CFAP20DC: variants seen among roughly 807,000 people sequenced by gnomAD.
CFAP20DC encodes the protein CFAP20 domain containing.
In CFAP20DC, 84 loss-of-function variants were observed where a neutral mutation model predicts 101.7. That is an observed-to-expected ratio of 0.83 (90% CI 0.69 to 0.99). The LOEUF is 0.99. Among genes scored for constraint, CFAP20DC ranks in the 50% least tolerant of loss-of-function variants. The pLI, the probability that CFAP20DC is intolerant of heterozygous loss-of-function variation, is 0.00. For synonymous variants in CFAP20DC, 359 were observed against 351.2 expected, an observed-to-expected ratio of 1.02 and a Z score of -0.25; for missense variants, 1,007 against 970.3, an observed-to-expected ratio of 1.04 and a Z score of -0.50.
At position 58,812,255 on chromosome 3, in the gene CFAP20DC, C is replaced by T. The variant is rs551665210; in HGVS notation, c.2176-5799G>A. On this transcript the variant is annotated intron_variant, in intron 14 of 16. Transcript: ENST00000482387. ...ATGCTGCTATAAAGACACATGCACA[C>T]GTATGTTTATTGCGGCTCTATTCAC... is the stretch of plus-strand genomic sequence containing the variant. Among the ~76,000 whole-genome samples, 59 of 152,188 alleles carry T rather than the reference C, an allele frequency of 3.9e-4. No individual in the cohort carries two copies. In the South Asian group the frequency reaches 5.6e-3, roughly 14 times the overall value.
Position 59,049,767 on chromosome 3 carries a change from A to G in CFAP20DC, c.-136T>C. 9.4e-7 allele frequency: 1 copy of G among 1,066,364 alleles called. No individual in the cohort carries two copies. Among genetic ancestry groups the G allele is most frequent in the Non-Finnish European group, 1.3e-6 (1 of 753,162 alleles). The allele number at this position is 1,066,364 out of a possible 1,614,324, so 66.1% of individuals were successfully genotyped here. A position where few individuals can be genotyped will look rare whatever the true frequency, so the allele number is the denominator to read the frequency against. ...GGAAAGGGCTTCGTGCTTGGCCCAG[A>G]CTTGGGCAGGCTCTTCTCAGCCCCT... is the stretch of plus-strand genomic sequence containing the variant. On this transcript the variant is annotated 5_prime_UTR_variant, in exon 1 of 17. Coordinates refer to ENST00000482387, the MANE Select transcript of CFAP20DC (RefSeq NM_001394063.1).
rs116429944 is a variant in CFAP20DC, at chr3:58,989,145, G to A, written c.278+50412C>T. Among the ~76,000 whole-genome samples, 775 of 152,018 alleles carry A rather than the reference G, an allele frequency of 5.1e-3. 4 individuals are homozygous for A. Among genetic ancestry groups the A allele is most frequent in the African/African-American group, 0.018 (749 of 41,500 alleles). ...AATCAAAATCCGAAATTTCCACTGT[G>A]CCTTTTTTTCTTTTAGAGATTTACT... On this transcript the variant is annotated intron_variant, in intron 4 of 16. Coordinates refer to ENST00000482387, the MANE Select transcript of CFAP20DC (RefSeq NM_001394063.1).
At chr3:58,836,114 C>A (rs555956076) in intron 13 of CFAP20DC, among the ~76,000 whole-genome samples, 1 of 152,222 alleles carries the variant, frequency 6.6e-6, no homozygotes, top group African/African-American at 2.4e-5. Flanking sequence ...TTTCACTGAT[C>A]TTTCTCCAGA....
Position 58,810,749 on chromosome 3 carries a change from A to C in CFAP20DC, c.2176-4293T>G, listed in dbSNP as rs1187333470. On this transcript the variant is annotated intron_variant, in intron 14 of 16. Coordinates refer to ENST00000482387, the MANE Select transcript of CFAP20DC (RefSeq NM_001394063.1). ...AAATAAAGGGTATTCAATTAGGAAA[A>C]GAGGAAGTCAAATTGTCCCTGTTTG... is the stretch of plus-strand genomic sequence containing the variant. Among the ~76,000 whole-genome samples the C allele has an allele frequency of 2.0e-5, 3 of 151,234 alleles. No homozygotes were observed. The East Asian group carries it at 5.9e-4, about 30-fold the overall frequency.
rs567324119 is a variant in CFAP20DC, at chr3:58,869,625, AG to A, written c.853-136del. The A allele has an allele frequency of 2.4e-4, 137 of 577,498 alleles. No homozygotes were observed. In the African/African-American group the frequency reaches 2.4e-3, roughly 10 times the overall value. The allele number at this position is 577,498 out of a possible 1,614,324, so 35.8% of individuals were successfully genotyped here. A position where few individuals can be genotyped will look rare whatever the true frequency, so the allele number is the denominator to read the frequency against. ...TAGAGGAAATGAGGTTAAGATGTGAAGAAAAAGGAAATTATTATAGGAAATT... is the reference window on the plus strand; with the variant it reads ...TAGAGGAAATGAGGTTAAGATGTGAAAAAAAGGAAATTATTATAGGAAATT... On this transcript the variant is annotated intron_variant, in intron 8 of 16. Transcript: ENST00000482387. This position sits in a 1 kb window ranked among gnomAD's most constrained non-coding sequence, Gnocchi z 4.3.
At chr3:58,925,676 T>G (rs1470134558) in intron 5 of CFAP20DC, among the ~76,000 whole-genome samples, 1 of 152,216 alleles carries the variant, frequency 6.6e-6, no homozygotes. Flanking sequence ...TTTTAAGTCA[T>G]AGGCTACTCA....
At chr3:59,024,466 A>G (rs563118367) in intron 4 of CFAP20DC, among the ~76,000 whole-genome samples, 2 of 152,306 alleles carry the variant, frequency 1.3e-5, no homozygotes, top group South Asian at 4.1e-4. Flanking sequence ...TGTCTAAATA[A>G]TAAGACCATT....
intron 3 of CFAP20DC, 98 bp from the exon 4 acceptor site, chr3:59,039,727 G>C (rs2094165087): frequency 2.8e-6 from 2 of 713,786 alleles, no homozygotes; most frequent in East Asian, 6.0e-5. Flanking sequence ...GAAGATTTTA[G>C]CATTTCAGTA....
At chr3:58,793,379 G>A (rs569176031) in intron 15 of CFAP20DC, among the ~76,000 whole-genome samples, 3 of 152,106 alleles carry the variant, frequency 2.0e-5, no homozygotes, top group Non-Finnish European at 4.4e-5. Context: ...AGCAAATTTA[G>A]AGAATGTCAC....
chr3:58,873,477 A>G (rs1333706429), intron 7 of CFAP20DC, among the ~76,000 whole-genome samples: 1 of 145,808 alleles, frequency 6.9e-6, no homozygotes, highest in Admixed American at 6.9e-5. Flanking sequence ...AGAAGTCTGG[A>G]CCAGCTATGC....
At chr3:58,867,300 T>G (rs1019588793) in intron 10 of CFAP20DC, among the ~76,000 whole-genome samples, 2 of 152,168 alleles carry the variant, frequency 1.3e-5, no homozygotes, top group African/African-American at 4.8e-5. Flanking sequence ...TCGAATCCAA[T>G]ATTTAAGGGA....
At chr3:58,976,867 A>G (rs1316033569) in intron 4 of CFAP20DC, among the ~76,000 whole-genome samples, 1 of 152,262 alleles carries the variant, frequency 6.6e-6, no homozygotes, top group African/African-American at 2.4e-5. Context: ...TGTCCTGTCC[A>G]GGTGGGTTCC....
At chr3:58,842,152 C>T (rs1326265031) in intron 13 of CFAP20DC, among the ~76,000 whole-genome samples, 12 of 152,170 alleles carry the variant, frequency 7.9e-5, no homozygotes, top group Admixed American at 7.2e-4. Context: ...ATTACCAGTA[C>T]TCGGAGGAGC....
chr3:58,991,521 C>T (rs2092936322), intron 4 of CFAP20DC, among the ~76,000 whole-genome samples: 1 of 152,096 alleles, frequency 6.6e-6, no homozygotes, highest in African/African-American at 2.4e-5. Flanking sequence ...AACATCAGTT[C>T]CCAACCTTTT....
chr3:58,776,069 G>A (rs6781296), intron 15 of CFAP20DC, among the ~76,000 whole-genome samples: 18,203 of 152,048 alleles, frequency 0.12, 1,958 homozygotes, highest in East Asian at 0.35. Flanking sequence ...AGAACTTGGC[G>A]CTTCTTTCCT....
Position 58,912,799 on chromosome 3 carries a change from T to A in CFAP20DC, c.550+909A>T, listed in dbSNP as rs2084289301. 2.3e-6 allele frequency: 1 copy of A among 442,658 alleles called. No individual in the cohort carries two copies. Among genetic ancestry groups the A allele is most frequent in the Non-Finnish European group, 4.5e-6 (1 of 223,224 alleles). The allele number at this position is 442,658 out of a possible 1,614,324, so 27.4% of individuals were successfully genotyped here. ...ACAATTAATGTAAATATTTCTAGTCTCTCTAGAAATATGAGGAAGAACTCA... is the reference window on the plus strand; with the variant it reads ...ACAATTAATGTAAATATTTCTAGTCACTCTAGAAATATGAGGAAGAACTCA... On this transcript the variant is annotated intron_variant, in intron 6 of 16. Coordinates refer to ENST00000482387, the MANE Select transcript of CFAP20DC (RefSeq NM_001394063.1). The surrounding 1 kb of genome is among the most constrained non-coding windows in gnomAD (Gnocchi z 4.4).
chr3:58,932,845 C>A (rs1055259225), intron 5 of CFAP20DC, among the ~76,000 whole-genome samples: 3 of 152,168 alleles, frequency 2.0e-5, no homozygotes, highest in African/African-American at 7.2e-5. Context: ...ACCATCGAGG[C>A]TAGGAAGAAA....
intron 6 of CFAP20DC, among the ~76,000 whole-genome samples, chr3:58,889,317 A>T (rs2081951701): frequency 6.6e-6 from 1 of 152,170 alleles, no homozygotes; most frequent in African/African-American, 2.4e-5. Flanking sequence ...AAACCCCATC[A>T]CAGCAACCAA....
intron 15 of CFAP20DC, among the ~76,000 whole-genome samples, chr3:58,778,802 G>A (rs2071570014): frequency 6.6e-6 from 1 of 152,168 alleles, no homozygotes; most frequent in Non-Finnish European, 1.5e-5. Context: ...ACTTCACTAA[G>A]TCTTCACTAA....
Sources: allele counts gnomAD v4.1 joint callset (sites outside exome capture counted in the v4.1 genomes callset), GRCh38; gene constraint gnomAD v4.1.1; non-coding constraint Gnocchi (gnomAD v3.1); transcripts MANE v1.5; gene names NCBI Gene and HGNC (gene_info 2026-07-23, HGNC 2026-07-21).